DNAH2: variants seen among roughly 807,000 people sequenced by gnomAD.
DNAH2 encodes the protein axonemal beta dynein heavy chain 2.
A neutral mutation model predicts 523.5 loss-of-function variants in DNAH2; 323 were observed. That is an observed-to-expected ratio of 0.62 (90% CI 0.56 to 0.68). The LOEUF (loss-of-function observed/expected upper bound fraction) is 0.68. Ranked by LOEUF, DNAH2 falls within the 30% of genes least tolerant of loss-of-function variation. The probability of loss-of-function intolerance (pLI) is 0.00; values close to 1 mark genes in which losing one functional copy is unlikely to be tolerated. For missense variants in DNAH2, 4,907 were observed against 5,701.5 expected (o/e 0.86, Z 4.49); for synonymous variants, 2,093 against 2,177.4 (o/e 0.96, Z 1.08).
rs571542516 is a variant in DNAH2, at chr17:7,761,463, G to C, written c.2978+531G>C. ...TCTTTTTTTTAAAATTTTTTGTAGA[G>C]ATTCTATGTTGCCCACTCAGGAAGA... On this transcript the variant is annotated intron_variant, in intron 18 of 85. Coordinates refer to ENST00000572933, the MANE Select transcript of DNAH2 (RefSeq NM_020877.5). Among the ~76,000 whole-genome samples the C allele has an allele frequency of 8.0e-5, 12 of 150,488 alleles. No individual in the cohort carries two copies. In the East Asian group the frequency reaches 2.3e-3, roughly 29 times the overall value.
At position 7,721,004 on chromosome 17, in the gene DNAH2, CTTTTTT is replaced by C. The variant is rs71159523; in HGVS notation, c.166+1121_166+1126del. On this transcript the variant is annotated intron_variant, in intron 2 of 85. Coordinates refer to ENST00000572933, the MANE Select transcript of DNAH2 (RefSeq NM_020877.5). The stretch of plus-strand genomic sequence containing the variant: ...GCTCCAAGCTTTCTTTTCTTTCTTT[CTTTTTT>C]TTTTTTTTTTTTTTTTGAGACAAAT... 8.2e-5 allele frequency among the ~76,000 whole-genome samples: 9 copies of C among 109,736 alleles called. No homozygotes were observed. In the East Asian group the frequency reaches 8.6e-4, roughly 11 times the overall value. 72.0% of individuals were successfully genotyped at this position (109,736 alleles called of 152,430 possible).
At position 7,780,775 on chromosome 17, in the gene DNAH2, A is replaced by T. The variant is rs758388751; in HGVS notation, c.5996A>T (p.Asp1999Val). ...KKRRLQPDLT[D>V]EEVLLLSMRD... ...CGCCGCCTACAGCCGGATCTGACTG[A>T]TGAAGAGGTAGAGCAAGGACACAGC... Residue 1999 changes from aspartate (D) to valine (V), a missense_variant, in exon 38 of 86, where the codon GAT becomes GTT. By Grantham distance (152) the Asp-to-Val change is radical. Around this residue, in one of 3 missense-constraint regions of DNAH2, gnomAD observed 2,806 missense variants for 3,190.8 expected, o/e 0.88. Coordinates refer to ENST00000572933, the MANE Select transcript of DNAH2 (RefSeq NM_020877.5). The surrounding 1 kb of genome is among the most constrained non-coding windows in gnomAD (Gnocchi z 4.4). The T allele has an allele frequency of 5.0e-6, 8 of 1,614,108 alleles. No homozygotes were observed. The highest frequency in any genetic ancestry group is 5.9e-6 in the Non-Finnish European group (7 of 1,180,052).
At position 7,821,138 on chromosome 17, in the gene DNAH2, A is replaced by G. The variant is rs1597774145; in HGVS notation, c.11016-105A>G. 107 of 1,462,294 alleles carry G rather than the reference A, an allele frequency of 7.3e-5. No homozygotes were observed. The highest frequency in any genetic ancestry group is 2.0e-4 in the Middle Eastern group (1 of 5,082). 90.6% of individuals were successfully genotyped at this position (1,462,294 alleles called of 1,614,324 possible). On this transcript the variant is annotated intron_variant, in intron 72 of 85. Transcript: ENST00000572933. This position sits in a 1 kb window ranked among gnomAD's most constrained non-coding sequence, Gnocchi z 5.0. ...AGGAGGTTAGGATTAGAGGCTGGTG[A>G]GGTCCTCTGTGTGAAGCTGTGTGAT...
chr17:7,786,002 A>G lies in DNAH2; in HGVS notation c.6130-122A>G. 1.0e-6 allele frequency: 1 copy of G among 982,508 alleles called. No homozygotes were observed. The highest frequency in any genetic ancestry group is 1.5e-6 in the Non-Finnish European group (1 of 665,298). 60.9% of individuals were successfully genotyped at this position (982,508 alleles called of 1,614,324 possible). A position where few individuals can be genotyped will look rare whatever the true frequency, so the allele number is the denominator to read the frequency against. On this transcript the variant is annotated intron_variant, in intron 39 of 85. Coordinates refer to ENST00000572933, the MANE Select transcript of DNAH2 (RefSeq NM_020877.5). This position sits in a 1 kb window ranked among gnomAD's most constrained non-coding sequence, Gnocchi z 7.5. ...CAATGAGTGAACAGAGCCGGAGTGCAGAGGGCCCTGGTGCCATTTTTAACA... is the reference window on the plus strand; with the variant it reads ...CAATGAGTGAACAGAGCCGGAGTGCGGAGGGCCCTGGTGCCATTTTTAACA...
chr17:7,785,291 C>T (rs544968811), intron 39 of DNAH2, among the ~76,000 whole-genome samples: 6 of 152,096 alleles, frequency 3.9e-5, no homozygotes, highest in Admixed American at 6.6e-5. Flanking sequence ...TTAGTAGAGA[C>T]GGGGTTTCGC....
chr17:7,765,385 C>G lies in DNAH2; in HGVS notation c.3337-6C>G, dbSNP rs181996011. 124 of 1,610,800 alleles carry G rather than the reference C, an allele frequency of 7.7e-5. 1 individual carries two copies. In the African/African-American group the frequency reaches 1.3e-3, roughly 17 times the overall value. ...CTGGTCATCCTCCACTCTCTGACTC[C>G]CCCAGGTCCTGGAGATGCTGGACAG... On this transcript the variant is annotated splice_region_variant and splice_polypyrimidine_tract_variant and intron_variant, in intron 20 of 85. Coordinates refer to ENST00000572933, the MANE Select transcript of DNAH2 (RefSeq NM_020877.5).
At chr17:7,812,895 A>G (rs1287211725) in intron 63 of DNAH2, among the ~76,000 whole-genome samples, 1 of 151,350 alleles carries the variant, frequency 6.6e-6, no homozygotes, top group African/African-American at 2.4e-5. Context: ...GTGAGCTGAG[A>G]AGCTGAGACT....
At chr17:7,818,131 T>G in intron 68 of DNAH2, 35 bp downstream of exon 68, 1 of 1,608,082 alleles carries the variant, frequency 6.2e-7, no homozygotes, top group Non-Finnish European at 8.5e-7. Flanking sequence ...CCAAGTGGGA[T>G]GCTAGGGAGG....
chr17:7,786,701 C>T lies in DNAH2; in HGVS notation c.6466+14C>T, dbSNP rs748296571. The T allele has an allele frequency of 3.7e-6, 6 of 1,612,960 alleles. No homozygotes were observed. The highest frequency in any genetic ancestry group is 4.5e-5 in the East Asian group (2 of 44,858). ...CGGCATGTGCAGGTATCCAGAGGAT[C>T]GTGGGGTGTGGAGAGCAGACGCCTG... is the stretch of plus-strand genomic sequence containing the variant. On this transcript the variant is annotated intron_variant, in intron 41 of 85. Transcript: ENST00000572933. This position sits in a 1 kb window ranked among gnomAD's most constrained non-coding sequence, Gnocchi z 7.5.
At chr17:7,753,805 G>A (rs2111834) in intron 12 of DNAH2, among the ~76,000 whole-genome samples, 17,821 of 151,980 alleles carry the variant, frequency 0.12, 1,112 homozygotes, top group South Asian at 0.15. Flanking sequence ...AAAATAAGCT[G>A]GGCATGGTGG....
chr17:7,753,809 A>T (rs2075758453), intron 12 of DNAH2, among the ~76,000 whole-genome samples: 1 of 152,090 alleles, frequency 6.6e-6, no homozygotes, highest in Non-Finnish European at 1.5e-5. Context: ...TAAGCTGGGC[A>T]TGGTGGTGCG....
chr17:7,797,705 G>A lies in DNAH2; in HGVS notation c.8106G>A (p.Val2702=), dbSNP rs1176727152. 1 of 1,614,022 alleles carries A rather than the reference G, an allele frequency of 6.2e-7. No individual in the cohort carries two copies. The highest frequency in any genetic ancestry group is 8.5e-7 in the Non-Finnish European group (1 of 1,180,030). ...IFGDFLKEPK[V]YEDLTDLTVL... The stretch of plus-strand genomic sequence containing the variant: ...GGGATTTCCTGAAGGAGCCCAAGGT[G>A]TATGAAGACCTCACGGATCTGACAG... The change falls in exon 53 of 86, where the codon GTG becomes GTA. Residue 2702 remains valine, a synonymous_variant. Transcript: ENST00000572933.
Position 7,786,717 on chromosome 17 carries a change from C to T in DNAH2, c.6466+30C>T. 6.2e-7 allele frequency: 1 copy of T among 1,608,796 alleles called. No homozygotes were observed. The highest frequency in any genetic ancestry group is 8.5e-7 in the Non-Finnish European group (1 of 1,176,048). On this transcript the variant is annotated intron_variant, in intron 41 of 85. Coordinates refer to ENST00000572933, the MANE Select transcript of DNAH2 (RefSeq NM_020877.5). The surrounding 1 kb of genome is among the most constrained non-coding windows in gnomAD (Gnocchi z 7.5). ...CCAGAGGATCGTGGGGTGTGGAGAG[C>T]AGACGCCTGAGTCTCCTAAGGGGGC...
chr17:7,721,202 C>G (rs2074595181), intron 2 of DNAH2, among the ~76,000 whole-genome samples: 3 of 151,682 alleles, frequency 2.0e-5, no homozygotes, highest in African/African-American at 7.3e-5. Context: ...GAGACAGAGT[C>G]TCTCTCAGTT....
In DNAH2 at chr17:7,796,763, C is replaced by G. The variant is rs2077075351; in HGVS notation, c.7863+111C>G. 12 of 1,246,210 alleles carry G rather than the reference C, an allele frequency of 9.6e-6. No homozygotes were observed. In the South Asian group the frequency reaches 1.8e-4, roughly 19 times the overall value. 77.2% of individuals were successfully genotyped at this position (1,246,210 alleles called of 1,614,324 possible). A position where few individuals can be genotyped will look rare whatever the true frequency, so the allele number is the denominator to read the frequency against. On this transcript the variant is annotated intron_variant, in intron 50 of 85. Transcript: ENST00000572933. Reference sequence around the variant, plus strand: ...TAGCATGCGCACCAAAAGTCACCCCCATGCTGAAGTGCCACACTCCCTGGC... The same window carrying G: ...TAGCATGCGCACCAAAAGTCACCCCGATGCTGAAGTGCCACACTCCCTGGC...
At chr17:7,787,462 G>A (rs907672748) in intron 42 of DNAH2, 16 of 251,922 alleles carry the variant, frequency 6.4e-5, no homozygotes, top group African/African-American at 9.0e-5. Context: ...GGGCCGGGCC[G>A]GGTGGCTCAC....
Position 7,740,498 on chromosome 17 carries a change from G to A in DNAH2, c.1455G>A (p.Val485=), listed in dbSNP as rs1157626993. The A allele has an allele frequency of 6.2e-7, 1 of 1,614,196 alleles. No individual in the cohort carries two copies. The highest frequency in any genetic ancestry group is 1.3e-5 in the African/African-American group (1 of 75,072). Residue 485 remains valine (V), a synonymous_variant, in exon 10 of 86, where the codon GTG becomes GTA. Transcript: ENST00000572933. ...ITSAFELVRD[V]PHGVLLLDTF... is the part of the protein sequence containing the mutation. ...CAGCCTTCGAGTTGGTGCGGGACGT[G>A]CCGCACGGCGTGCTTCTGCTGGACA... is the stretch of plus-strand genomic sequence containing the variant.
chr17:7,759,392 G>T lies in DNAH2; in HGVS notation c.2449-30G>T, dbSNP rs746722758. ...GGATGTGCCCTGTCTTCCCTGAAAA[G>T]TTCTCTTTTTCCTCCCTCCATCCCA... On this transcript the variant is annotated intron_variant, in intron 15 of 85. Transcript: ENST00000572933. The T allele has an allele frequency of 1.3e-5, 20 of 1,582,840 alleles. No homozygotes were observed. The Admixed American group carries it at 3.4e-4, about 27-fold the overall frequency.
At position 7,821,474 on chromosome 17, in the gene DNAH2, G is replaced by A. The variant is rs1286037739; in HGVS notation, c.11142+105G>A. 2.1e-6 allele frequency: 3 copies of A among 1,422,604 alleles called. No individual in the cohort carries two copies. In the Admixed American group the frequency reaches 7.7e-5, roughly 36 times the overall value. 88.1% of individuals were successfully genotyped at this position (1,422,604 alleles called of 1,614,324 possible). Reference sequence around the variant, plus strand: ...CCAGAGGGTCAGGCCCACAGCATCAGTGAGTGAGCTGAGAAAATCCAGGCC... The same window carrying A: ...CCAGAGGGTCAGGCCCACAGCATCAATGAGTGAGCTGAGAAAATCCAGGCC... On this transcript the variant is annotated intron_variant, in intron 73 of 85. Coordinates refer to ENST00000572933, the MANE Select transcript of DNAH2 (RefSeq NM_020877.5). The surrounding 1 kb of genome is among the most constrained non-coding windows in gnomAD (Gnocchi z 5.0).
Sources: gnomAD v4.1 joint callset for allele counts (sites outside exome capture counted in the v4.1 genomes callset) on GRCh38, gnomAD v4.1.1 for gene constraint, gnomAD v4.1.1 regional missense constraint, Gnocchi (gnomAD v3.1) non-coding constraint, MANE v1.5 for transcripts, NCBI Gene and HGNC (gene_info 2026-07-23, HGNC 2026-07-21) for gene names.